The following HS6ST3 variants were observed in gnomAD, a reference collection of about 807,000 sequenced individuals.
The protein encoded by HS6ST3 is heparan sulfate 6-O-sulfotransferase 3.
HS6ST3 carries 12 observed loss-of-function variants against 36.7 expected under a neutral mutation model. That is an observed-to-expected ratio of 0.33 (90% CI 0.21 to 0.53). HS6ST3 has a LOEUF of 0.53. Ranked by LOEUF, HS6ST3 falls within the 20% of genes least tolerant of loss-of-function variation. HS6ST3 has a pLI of 0.95. For missense variants in HS6ST3, 584 were observed against 640.9 expected (o/e 0.91, Z 0.96); for synonymous variants, 240 against 257.5 (o/e 0.93, Z 0.65).
chr13:96,094,698 G>A (rs1471792254), intron 1 of HS6ST3, among the ~76,000 whole-genome samples: 1 of 152,176 alleles, frequency 6.6e-6, no homozygotes, highest in African/African-American at 2.4e-5. Context: ...CAAACTTCAA[G>A]GGGCCATCAT....
At chr13:96,697,962 T>A (rs1875176918) in intron 1 of HS6ST3, among the ~76,000 whole-genome samples, 1 of 152,188 alleles carries the variant, frequency 6.6e-6, no homozygotes, top group Non-Finnish European at 1.5e-5. Context: ...ATTTCATTTG[T>A]CTTTGAAGTG....
chr13:96,671,513 C>T (rs2138431392), intron 1 of HS6ST3, among the ~76,000 whole-genome samples: 1 of 152,252 alleles, frequency 6.6e-6, no homozygotes, highest in South Asian at 2.1e-4. Flanking sequence ...GCACCACAGA[C>T]TGGGTGACTT....
chr13:96,168,774 T>C (rs1259640869), intron 1 of HS6ST3, among the ~76,000 whole-genome samples: 1 of 152,168 alleles, frequency 6.6e-6, no homozygotes, highest in Non-Finnish European at 1.5e-5. Context: ...ATGTTTACTT[T>C]TTAATTTTTT....
intron 1 of HS6ST3, among the ~76,000 whole-genome samples, chr13:96,510,865 T>G (rs1020671722): frequency 1.3e-5 from 2 of 152,214 alleles, no homozygotes; most frequent in Non-Finnish European, 2.9e-5. Context: ...AGTGTTGTTT[T>G]TTTACATAAG....
At chr13:96,291,172 G>A (rs1387984927) in intron 1 of HS6ST3, among the ~76,000 whole-genome samples, 1 of 151,652 alleles carries the variant, frequency 6.6e-6, no homozygotes, top group Non-Finnish European at 1.5e-5. Flanking sequence ...TCTATCTTCT[G>A]TCTCTCCCAT....
chr13:96,386,201 G>A (rs555741098), intron 1 of HS6ST3, among the ~76,000 whole-genome samples: 5 of 152,312 alleles, frequency 3.3e-5, no homozygotes, highest in South Asian at 4.1e-4. Context: ...ATTGATTTGC[G>A]TAAATAAATA....
At chr13:96,155,113 A>G (rs1260268916) in intron 1 of HS6ST3, among the ~76,000 whole-genome samples, 1 of 152,154 alleles carries the variant, frequency 6.6e-6, no homozygotes, top group East Asian at 1.9e-4. Context: ...AATACATGTA[A>G]GACCATGTAC....
chr13:96,470,231 G>C (rs145330927), intron 1 of HS6ST3, among the ~76,000 whole-genome samples: 327 of 152,190 alleles, frequency 2.1e-3, no homozygotes, highest in African/African-American at 7.1e-3. Flanking sequence ...TATTACAAAA[G>C]GATCATGTTG....
intron 1 of HS6ST3, among the ~76,000 whole-genome samples, chr13:96,684,240 T>A (rs1434666390): frequency 6.6e-6 from 1 of 152,114 alleles, no homozygotes; most frequent in African/African-American, 2.4e-5. Context: ...ATTTTTTTCT[T>A]AATGTACCTT....
intron 1 of HS6ST3, among the ~76,000 whole-genome samples, chr13:96,323,530 T>A (rs1273033750): frequency 6.6e-6 from 1 of 152,194 alleles, no homozygotes; most frequent in Non-Finnish European, 1.5e-5. Flanking sequence ...AGCCTCATAG[T>A]TCATGGCACT....
Position 96,091,017 on chromosome 13 carries a change from C to A in HS6ST3, c.155C>A (p.Pro52Gln). The change falls in exon 1 of 2, where the codon CCG (proline) becomes CAG (glutamine). Residue 52 changes from proline (P) to glutamine (Q), a missense_variant. Physicochemically the swap from Pro to Gln is moderately conservative, Grantham distance 76. Transcript: ENST00000376705. ...RAGEAGPPAV[P>Q]GPARRAQAPP... is the part of the protein sequence containing the mutation. ...GGGGAGGCCGGCCCGCCCGCCGTCCCGGGTCCCGCCCGCCGGGCTCAGGCG... is the reference window on the plus strand; with the variant it reads ...GGGGAGGCCGGCCCGCCCGCCGTCCAGGGTCCCGCCCGCCGGGCTCAGGCG... 7.9e-7 allele frequency: 1 copy of A among 1,264,998 alleles called. No individual in the cohort carries two copies. The highest frequency in any genetic ancestry group is 3.1e-5 in the East Asian group (1 of 32,494). The allele number at this position is 1,264,998 out of a possible 1,614,324, so 78.4% of individuals were successfully genotyped here.
intron 1 of HS6ST3, among the ~76,000 whole-genome samples, chr13:96,648,871 T>C (rs1057137832): frequency 6.6e-6 from 1 of 152,124 alleles, no homozygotes; most frequent in African/African-American, 2.4e-5. Flanking sequence ...CTAGTGTATA[T>C]GTACCATATT....
chr13:96,154,848 C>T (rs1314308040), intron 1 of HS6ST3, among the ~76,000 whole-genome samples: 1 of 151,992 alleles, frequency 6.6e-6, no homozygotes, highest in Non-Finnish European at 1.5e-5. Context: ...TGGTGCAATA[C>T]TTTTAGAGAC....
intron 1 of HS6ST3, among the ~76,000 whole-genome samples, chr13:96,822,898 A>G (rs573182199): frequency 1.8e-4 from 27 of 152,220 alleles, no homozygotes; most frequent in Admixed American, 1.5e-3. Context: ...TGATTCCACA[A>G]ATGTTTAGTC....
chr13:96,438,960 AAGGGGCTGAGGC>A (rs1386315870), intron 1 of HS6ST3, among the ~76,000 whole-genome samples: 1 of 152,058 alleles, frequency 6.6e-6, no homozygotes, highest in Non-Finnish European at 1.5e-5. Flanking sequence ...CCAACTACTC[AAGGGGCTGAGGC>A]AGGAGACTCG....
chr13:96,438,469 G>A (rs539115294), intron 1 of HS6ST3, among the ~76,000 whole-genome samples: 9 of 152,308 alleles, frequency 5.9e-5, no homozygotes, highest in Non-Finnish European at 1.2e-4. Context: ...CATATCCAGA[G>A]CTCCTAATTT....
chr13:96,105,006 G>GCAAATAATGTAATTATTTGCACAGGA (rs753491930), intron 1 of HS6ST3, among the ~76,000 whole-genome samples: 1 of 141,768 alleles, frequency 7.1e-6, no homozygotes, highest in South Asian at 2.2e-4. Context: ...AATGTACAGG[G>GCAAATAATGTAATTATTTGCACAGGA]CAAATAATGT....
chr13:96,523,185 T>C (rs1429182446), intron 1 of HS6ST3, among the ~76,000 whole-genome samples: 5 of 152,246 alleles, frequency 3.3e-5, no homozygotes, highest in African/African-American at 1.2e-4. Context: ...TGTTGAATAT[T>C]GGCCCCCACT....
chr13:96,397,606 C>A (rs2055428678), intron 1 of HS6ST3, among the ~76,000 whole-genome samples: 1 of 152,096 alleles, frequency 6.6e-6, no homozygotes, highest in Non-Finnish European at 1.5e-5. Flanking sequence ...GCTTCCAGGG[C>A]CTTTTCACCA....
Sources: allele counts gnomAD v4.1 joint callset (sites outside exome capture counted in the v4.1 genomes callset), GRCh38; gene constraint gnomAD v4.1.1; transcripts MANE v1.5; gene names NCBI Gene and HGNC (gene_info 2026-07-23, HGNC 2026-07-21).